CNTN6: variants seen among roughly 807,000 people sequenced by gnomAD.
CNTN6 encodes the protein contactin 6, also known as contactin-6.
CNTN6 carries 137 observed loss-of-function variants against 122.8 expected under a neutral mutation model. That is an observed-to-expected ratio of 1.12 (90% CI 0.97 to 1.29). The LOEUF is 1.29. Ranked by LOEUF, CNTN6 falls within the 50% of genes most tolerant of loss-of-function variation. The probability of loss-of-function intolerance (pLI) is 0.00; values close to 1 mark genes in which losing one functional copy is unlikely to be tolerated. For synonymous variants in CNTN6, 570 were observed against 426.0 expected (o/e 1.34, Z -4.16); for missense variants, 1,634 against 1,223.4 (o/e 1.34, Z -5.01).
intron 1 of CNTN6, among the ~76,000 whole-genome samples, chr3:1,098,525 C>A (rs1350608127): frequency 6.6e-6 from 1 of 151,018 alleles, no homozygotes; most frequent in Non-Finnish European, 1.5e-5. Context: ...TCCATGATTT[C>A]CTGTCTTATT....
chr3:1,265,021 G>T (rs1297651500), intron 4 of CNTN6, among the ~76,000 whole-genome samples: 1 of 136,554 alleles, frequency 7.3e-6, no homozygotes, highest in African/African-American at 2.7e-5. Context: ...GTTCATCCAT[G>T]TTGCCACAAA....
chr3:1,105,936 A>G (rs1180507893), intron 1 of CNTN6, among the ~76,000 whole-genome samples: 1 of 152,158 alleles, frequency 6.6e-6, no homozygotes, highest in Non-Finnish European at 1.5e-5. Flanking sequence ...ACATATTAAG[A>G]TGATATTAAT....
chr3:1,226,907 AT>A (rs2094291642), intron 3 of CNTN6, among the ~76,000 whole-genome samples: 1 of 152,204 alleles, frequency 6.6e-6, no homozygotes, highest in South Asian at 2.1e-4. Context: ...AAAATGGTCT[AT>A]GTGACTATAC....
chr3:1,363,304 G>C (rs933353247), intron 12 of CNTN6, among the ~76,000 whole-genome samples: 1 of 151,426 alleles, frequency 6.6e-6, no homozygotes, highest in Non-Finnish European at 1.5e-5. Flanking sequence ...TTATGATACA[G>C]TATACAGATA....
chr3:1,353,861 G>A (rs1020817227), intron 12 of CNTN6, among the ~76,000 whole-genome samples: 1 of 151,546 alleles, frequency 6.6e-6, no homozygotes, highest in Non-Finnish European at 1.5e-5. Context: ...GCATTAAAAC[G>A]TGAAATAGAA....
At chr3:1,210,246 A>AT (rs982268403) in intron 2 of CNTN6, among the ~76,000 whole-genome samples, 2 of 151,436 alleles carry the variant, frequency 1.3e-5, no homozygotes, top group Admixed American at 1.3e-4. Context: ...TTTCTGTTTT[A>AT]TTTTTTTTCT....
At chr3:1,158,331 C>A (rs1034807841) in intron 2 of CNTN6, among the ~76,000 whole-genome samples, 1 of 152,118 alleles carries the variant, frequency 6.6e-6, no homozygotes, top group African/African-American at 2.4e-5. Context: ...TTTATGTCTT[C>A]TTTTGAGAAA....
In CNTN6 at chr3:1,246,344, C is replaced by T. The variant is rs550021406; in HGVS notation, c.358+18351C>T. ...TCTGGCTTATTAGCCAACTATGTTT[C>T]TGAGATCCTTTTATATTGTTGTAGG... On this transcript the variant is annotated intron_variant, in intron 4 of 22. Transcript: ENST00000446702. Among the ~76,000 whole-genome samples, 32 of 152,194 alleles carry T rather than the reference C, an allele frequency of 2.1e-4. No homozygotes were observed. The South Asian group carries it at 6.4e-3, about 31-fold the overall frequency.
At chr3:1,305,244 C>A (rs1559769855) in intron 7 of CNTN6, among the ~76,000 whole-genome samples, 1 of 152,140 alleles carries the variant, frequency 6.6e-6, no homozygotes, top group Non-Finnish European at 1.5e-5. Context: ...TAGAGAAGAA[C>A]AGGTGAAGTG....
chr3:1,255,629 T>C (rs1237867079), intron 4 of CNTN6, among the ~76,000 whole-genome samples: 2 of 152,066 alleles, frequency 1.3e-5, no homozygotes, highest in Non-Finnish European at 2.9e-5. Context: ...CGTTACCTAA[T>C]TTATTACATG....
chr3:1,336,099 A>G (rs1703020639), intron 11 of CNTN6, among the ~76,000 whole-genome samples: 1 of 146,184 alleles, frequency 6.8e-6, no homozygotes, highest in Non-Finnish European at 1.5e-5. Context: ...ATCTTTGGTA[A>G]TTGACAGCAT....
chr3:1,384,768 TAC>T (rs200617372), intron 19 of CNTN6, among the ~76,000 whole-genome samples: 3 of 125,334 alleles, frequency 2.4e-5, no homozygotes, highest in East Asian at 2.3e-4. Flanking sequence ...TACATATATA[TAC>T]ACATATATAT....
In CNTN6 at chr3:1,374,192, C is replaced by T. The variant is rs142892323; in HGVS notation, c.2095+119C>T. On this transcript the variant is annotated intron_variant, in intron 16 of 22. Transcript: ENST00000446702. ...TGGCTCAAAATTGTTTGGCAGTAAACGAGTGGCTCTCATTTTCTTTTATTT... is the reference window on the plus strand; with the variant it reads ...TGGCTCAAAATTGTTTGGCAGTAAATGAGTGGCTCTCATTTTCTTTTATTT... The T allele has an allele frequency of 2.2e-3, 2,116 of 946,354 alleles. 4 individuals carry two copies. The highest frequency in any genetic ancestry group is 2.8e-3 in the South Asian group (116 of 41,686). The allele number at this position is 946,354 out of a possible 1,614,324, so 58.6% of individuals were successfully genotyped here.
intron 7 of CNTN6, among the ~76,000 whole-genome samples, chr3:1,305,079 C>CA (rs1490916565): frequency 6.7e-6 from 1 of 150,358 alleles, no homozygotes; most frequent in South Asian, 2.1e-4. Flanking sequence ...TCAAAAACAT[C>CA]AAAAATCAGG....
At chr3:1,397,492 G>A (rs1001239160) in intron 20 of CNTN6, among the ~76,000 whole-genome samples, 1 of 152,036 alleles carries the variant, frequency 6.6e-6, no homozygotes, top group African/African-American at 2.4e-5. Context: ...AAGTACCAAA[G>A]CCTAGTGGAA....
chr3:1,376,275 C>A (rs1183015358), intron 16 of CNTN6, among the ~76,000 whole-genome samples: 1 of 152,038 alleles, frequency 6.6e-6, no homozygotes, highest in African/African-American at 2.4e-5. Flanking sequence ...TTTCTATGAT[C>A]TATTATTCAT....
chr3:1,265,424 G>A (rs1383759812), intron 4 of CNTN6, among the ~76,000 whole-genome samples: 2 of 152,026 alleles, frequency 1.3e-5, no homozygotes, highest in Non-Finnish European at 1.5e-5. Context: ...TCTGCTCTGG[G>A]TCTTACAGTT....
chr3:1,257,310 A>G (rs1430765182), intron 4 of CNTN6, among the ~76,000 whole-genome samples: 1 of 152,082 alleles, frequency 6.6e-6, no homozygotes, highest in Non-Finnish European at 1.5e-5. Flanking sequence ...TAACTTGGCT[A>G]GTTGTGTTTT....
At chr3:1,380,935 TAAAG>T (rs1691773584) in intron 17 of CNTN6, among the ~76,000 whole-genome samples, 1 of 152,202 alleles carries the variant, frequency 6.6e-6, no homozygotes, top group Admixed American at 6.5e-5. Flanking sequence ...TGTCTCCACT[TAAAG>T]AAAACTCTTT....
Sources: allele counts gnomAD v4.1 joint callset (sites outside exome capture counted in the v4.1 genomes callset), GRCh38; gene constraint gnomAD v4.1.1; transcripts MANE v1.5; gene names NCBI Gene and HGNC (gene_info 2026-07-23, HGNC 2026-07-21).